LPL: variants seen among roughly 807,000 people sequenced by gnomAD.
LPL encodes lipoprotein lipase.
LPL carries 43 observed loss-of-function variants against 52.2 expected under a neutral mutation model. The observed-to-expected ratio is 0.82, with a 90% CI of 0.64 to 1.06. LPL has a LOEUF of 1.06. Ranked by LOEUF, LPL falls within the 50% of genes least tolerant of loss-of-function variation. The pLI is 0.00. For missense variants in LPL, 639 were observed against 585.3 expected, an observed-to-expected ratio of 1.09 and a Z score of -0.95; for synonymous variants, 244 against 215.6, an observed-to-expected ratio of 1.13 and a Z score of -1.15.
At chr8:19,955,796 T>C in intron 5 of LPL, 45 bp from the exon 6 acceptor site, 2 of 1,613,800 alleles carry the variant, frequency 1.2e-6, no homozygotes, top group Non-Finnish European at 1.7e-6. Context: ...ACACTCTTTG[T>C]GAATTTCTGC....
intron 5 of LPL, among the ~76,000 whole-genome samples, chr8:19,954,737 T>A (rs1454179367): frequency 6.6e-6 from 1 of 152,260 alleles, no homozygotes; most frequent in African/African-American, 2.4e-5. Flanking sequence ...AAGATGTTAA[T>A]TAGGATAAAT....
Position 19,939,331 on chromosome 8 carries a change from G to T in LPL, c.-110G>T. On this transcript the variant is annotated 5_prime_UTR_variant, in exon 1 of 10. Transcript: ENST00000650287. This position sits in a 1 kb window ranked among gnomAD's most constrained non-coding sequence, Gnocchi z 4.0. ...AGCTGCCCTGCCATCCCCTTTAAAG[G>T]GCGACTTGCTCAGCGCCAAACCGCG... 2.9e-6 allele frequency: 3 copies of T among 1,021,822 alleles called. No individual in the cohort carries two copies. The highest frequency in any genetic ancestry group is 2.0e-5 in the Admixed American group (1 of 49,172). 63.3% of individuals were successfully genotyped at this position (1,021,822 alleles called of 1,614,324 possible).
rs1013295523 is a variant in LPL at position 19,962,255 on chromosome 8, G to A, written c.1427+36G>A. On this transcript the variant is annotated intron_variant, in intron 9 of 9. Coordinates refer to ENST00000650287, the MANE Select transcript of LPL (RefSeq NM_000237.3). ...TGGGCTAAAGCTGACTGGGCATCCT[G>A]AGCTTGCACCCTAAGGGAGGCAGCT... 5 of 1,534,212 alleles carry A rather than the reference G, an allele frequency of 3.3e-6. No homozygotes were observed. The African/African-American group carries it at 4.1e-5, about 13-fold the overall frequency.
At chr8:19,948,674 C>T (rs141161913) in intron 2 of LPL, among the ~76,000 whole-genome samples, 3 of 152,238 alleles carry the variant, frequency 2.0e-5, no homozygotes, top group Non-Finnish European at 4.4e-5. Flanking sequence ...GGCATGATCC[C>T]GCATCACCCA....
rs1366457905 is a variant in LPL, at chr8:19,953,300, T to C, written c.430-10T>C. 6 of 1,559,328 alleles carry C rather than the reference T, an allele frequency of 3.8e-6. No individual in the cohort carries two copies. Among genetic ancestry groups the C allele is most frequent in the Non-Finnish European group, 5.3e-6 (6 of 1,130,152 alleles). On this transcript the variant is annotated splice_polypyrimidine_tract_variant and intron_variant, in intron 3 of 9. Transcript: ENST00000650287. ...ACTGTAAGCACCTTCATTTTCTTTTTCTTCCAAAGGAGGAGTTTAACTACC... is the reference window on the plus strand; with the variant it reads ...ACTGTAAGCACCTTCATTTTCTTTTCCTTCCAAAGGAGGAGTTTAACTACC...
intron 5 of LPL, among the ~76,000 whole-genome samples, chr8:19,954,998 C>G (rs260): frequency 0.023 from 3,467 of 152,134 alleles, 105 homozygotes; most frequent in African/African-American, 0.078. Context: ...GCCACCACGC[C>G]CAGTTTACGA....
chr8:19,951,294 G>T (rs2069931984), intron 2 of LPL, among the ~76,000 whole-genome samples: 1 of 152,282 alleles, frequency 6.6e-6, no homozygotes, highest in African/African-American at 2.4e-5. Flanking sequence ...CTGAAGAAAT[G>T]ACATCAACCT....
At chr8:19,960,184 A>C (rs1447348373) in intron 7 of LPL, among the ~76,000 whole-genome samples, 1 of 152,218 alleles carries the variant, frequency 6.6e-6, no homozygotes, top group South Asian at 2.1e-4. Context: ...CAGTGCAGAC[A>C]AGGTGGTGAA....
At chr8:19,958,311 C>G (rs372784040) in intron 6 of LPL, among the ~76,000 whole-genome samples, 2 of 152,124 alleles carry the variant, frequency 1.3e-5, no homozygotes, top group Non-Finnish European at 2.9e-5. Context: ...CATGAGCCAC[C>G]ATGCCTGGCC....
rs2070097802 is a variant in LPL, at chr8:19,967,230, T to C, written c.*1920T>C. 2 of 152,794 alleles carry C rather than the reference T, an allele frequency of 1.3e-5. No individual in the cohort carries two copies. Among genetic ancestry groups the C allele is most frequent in the South Asian group, 4.1e-4 (2 of 4,832 alleles). 9.5% of individuals were successfully genotyped at this position (152,794 alleles called of 1,614,324 possible). On this transcript the variant is annotated 3_prime_UTR_variant, in exon 10 of 10. Coordinates refer to ENST00000650287, the MANE Select transcript of LPL (RefSeq NM_000237.3). ...TGTGTGAAGAAATGGAATCAGCTTT[T>C]AATAAAATTGACAACATTTTATTAC...
chr8:19,965,535 C>G lies in LPL; in HGVS notation c.*225C>G. ...GGGTATAGTGGCCAAATAGCACATC[C>G]TCCAACGTTAAAAGACAGTGGATCA... On this transcript the variant is annotated 3_prime_UTR_variant, in exon 10 of 10. Transcript: ENST00000650287. 1 of 539,388 alleles carries G rather than the reference C, an allele frequency of 1.9e-6. No individual in the cohort carries two copies. Among genetic ancestry groups the G allele is most frequent in the Non-Finnish European group, 3.3e-6 (1 of 303,004 alleles). 33.4% of individuals were successfully genotyped at this position (539,388 alleles called of 1,614,324 possible). A position where few individuals can be genotyped will look rare whatever the true frequency, so the allele number is the denominator to read the frequency against.
chr8:19,939,504 C>A lies in LPL; in HGVS notation c.64C>A (p.Arg22Ser), dbSNP rs980246871. ...GTGGCTCCAGAGTCTGACCGCCTCC[C>A]GCGGAGGGGTGGCCGCCGCCGACCG... ...AVWLQSLTAS[R>S]GGVAAADQRR... The change falls in exon 1 of 10, where the codon CGC becomes AGC. Residue 22 changes from arginine to serine, a missense_variant. By Grantham distance (110) the Arg-to-Ser change is moderately radical. Transcript: ENST00000650287. This position sits in a 1 kb window ranked among gnomAD's most constrained non-coding sequence, Gnocchi z 4.0. The A allele has an allele frequency of 5.6e-6, 9 of 1,609,828 alleles. No individual in the cohort carries two copies. The highest frequency in any genetic ancestry group is 8.5e-7 in the Non-Finnish European group (1 of 1,178,772).
intron 8 of LPL, 53 bp downstream of exon 8, chr8:19,961,136 A>G: frequency 6.5e-7 from 1 of 1,535,904 alleles, no homozygotes; most frequent in Non-Finnish European, 8.9e-7. Flanking sequence ...TGATGTCAGG[A>G]CCTAGGGGCT....
Position 19,961,127 on chromosome 8 carries a change from G to A in LPL, c.1322+44G>A, listed in dbSNP as rs749087672. On this transcript the variant is annotated intron_variant, in intron 8 of 9. Coordinates refer to ENST00000650287, the MANE Select transcript of LPL (RefSeq NM_000237.3). ...CTTCCTTCACTTTAGACCCCCACCT[G>A]ATGTCAGGACCTAGGGGCTGTATTT... is the stretch of plus-strand genomic sequence containing the variant. 112 of 1,576,278 alleles carry A rather than the reference G, an allele frequency of 7.1e-5. 3 individuals are homozygous for A. The highest frequency in any genetic ancestry group is 4.1e-4 in the South Asian group (37 of 89,624).
intron 3 of LPL, 97 bp downstream of exon 3, chr8:19,952,045 A>G: frequency 1.4e-6 from 2 of 1,386,690 alleles, no homozygotes; most frequent in East Asian, 4.6e-5. Flanking sequence ...TTAGATTTAA[A>G]TATTTTCTGG....
In LPL at chr8:19,960,927, A is replaced by C. The variant is rs769442590; in HGVS notation, c.1166A>C (p.Tyr389Ser). 46 of 1,613,642 alleles carry C rather than the reference A, an allele frequency of 2.9e-5. No individual in the cohort carries two copies. The highest frequency in any genetic ancestry group is 3.6e-5 in the Non-Finnish European group (43 of 1,179,890). The change falls in exon 8 of 10, where the codon TAC (tyrosine) becomes TCC (serine). Residue 389 changes from tyrosine (Y) to serine (S), a missense_variant. Coordinates refer to ENST00000650287, the MANE Select transcript of LPL (RefSeq NM_000237.3). ...TLPEVSTNKT[Y>S]SFLIYTEVDI... ...CCTGAAGTTTCCACAAATAAGACCTACTCCTTCCTAATTTACACAGAGGTA... is the reference window on the plus strand; with the variant it reads ...CCTGAAGTTTCCACAAATAAGACCTCCTCCTTCCTAATTTACACAGAGGTA...
At chr8:19,960,873 T>G (rs755257326) in intron 7 of LPL, 28 bp from the exon 8 acceptor site, 179 of 1,595,868 alleles carry the variant, frequency 1.1e-4, no homozygotes, top group Non-Finnish European at 1.5e-4. Context: ...TCTCTATAAC[T>G]AACCAAATTT....
intron 8 of LPL, among the ~76,000 whole-genome samples, 177 bp downstream of exon 8, chr8:19,961,260 AG>A (rs35459867): frequency 8.5e-4 from 26 of 30,696 alleles, no homozygotes; most frequent in East Asian, 2.3e-3. Context: ...TTTGGGGGGC[AG>A]GGGGGGGGAA....
Position 19,965,461 on chromosome 8 carries a change from A to C in LPL, c.*151A>C. 1 of 646,168 alleles carries C rather than the reference A, an allele frequency of 1.5e-6. No homozygotes were observed. Among genetic ancestry groups the C allele is most frequent in the South Asian group, 1.8e-5 (1 of 55,328 alleles). 40.0% of individuals were successfully genotyped at this position (646,168 alleles called of 1,614,324 possible). A position where few individuals can be genotyped will look rare whatever the true frequency, so the allele number is the denominator to read the frequency against. On this transcript the variant is annotated 3_prime_UTR_variant, in exon 10 of 10. Transcript: ENST00000650287. ...AATCCCAGCCCTACCCTTGTTAGTT[A>C]TTTTAGGAGACAGTCTCAAGCACTA... is the stretch of plus-strand genomic sequence containing the variant.
Sources: gnomAD v4.1 joint callset for allele counts (sites outside exome capture counted in the v4.1 genomes callset) on GRCh38, gnomAD v4.1.1 for gene constraint, Gnocchi (gnomAD v3.1) non-coding constraint, MANE v1.5 for transcripts, NCBI Gene and HGNC (gene_info 2026-07-23, HGNC 2026-07-21) for gene names.